GRIP1: variants seen among roughly 807,000 people sequenced by gnomAD.
GRIP1 encodes glutamate receptor-interacting protein 1.
In GRIP1, 45 loss-of-function variants were observed where a neutral mutation model predicts 129.9. That is an observed-to-expected ratio of 0.35 (90% CI 0.27 to 0.44). The LOEUF is 0.44. GRIP1 is among the 20% of genes least tolerant of loss of function. The probability of loss-of-function intolerance (pLI) is 1.00; values close to 1 mark genes in which losing one functional copy is unlikely to be tolerated. For synonymous variants in GRIP1, 530 were observed against 520.8 expected, an observed-to-expected ratio of 1.02 and a Z score of -0.24; for missense variants, 1,196 against 1,396.8, an observed-to-expected ratio of 0.86 and a Z score of 2.29.
chr12:66,838,597 TG>T (rs2039659601), intron 1 of GRIP1, among the ~76,000 whole-genome samples: 3 of 152,134 alleles, frequency 2.0e-5, no homozygotes, highest in Admixed American at 2.0e-4. Flanking sequence ...TGATGAGGAA[TG>T]TTTGGGATCA....
At chr12:66,589,481 T>A (rs949973409) in intron 2 of GRIP1, among the ~76,000 whole-genome samples, 1 of 152,218 alleles carries the variant, frequency 6.6e-6, no homozygotes, top group Non-Finnish European at 1.5e-5. Flanking sequence ...GTCAAAGTCA[T>A]GTCTTCTGAG....
At chr12:66,537,935 T>C (rs2061655836) in intron 4 of GRIP1, among the ~76,000 whole-genome samples, 1 of 152,256 alleles carries the variant, frequency 6.6e-6, no homozygotes, top group African/African-American at 2.4e-5. Context: ...GTTATGATTA[T>C]AGCAATTCCT....
At chr12:66,970,110 C>T (rs2042051355) in intron 1 of GRIP1, among the ~76,000 whole-genome samples, 1 of 152,112 alleles carries the variant, frequency 6.6e-6, no homozygotes, top group South Asian at 2.1e-4. Context: ...CAGGGTCTTA[C>T]TTACTCTGTT....
At chr12:66,404,618 T>C (rs566088433) in intron 16 of GRIP1, among the ~76,000 whole-genome samples, 2 of 152,320 alleles carry the variant, frequency 1.3e-5, no homozygotes, top group South Asian at 4.1e-4. Flanking sequence ...TTATGCCAGC[T>C]GTACTTGTTA....
chr12:67,051,456 G>A (rs931482264), intron 1 of GRIP1, among the ~76,000 whole-genome samples: 1 of 152,110 alleles, frequency 6.6e-6, no homozygotes. Context: ...TGATACTCTG[G>A]CAAAAGATTC....
At chr12:66,800,987 C>G (rs1294071613) in intron 1 of GRIP1, among the ~76,000 whole-genome samples, 1 of 152,020 alleles carries the variant, frequency 6.6e-6, no homozygotes, top group African/African-American at 2.4e-5. Context: ...GGAATTCTCC[C>G]CACTGAGCAT....
At chr12:66,997,164 G>T (rs976744576) in intron 1 of GRIP1, among the ~76,000 whole-genome samples, 1 of 152,096 alleles carries the variant, frequency 6.6e-6, no homozygotes, top group Non-Finnish European at 1.5e-5. Context: ...ATTTCTCTAA[G>T]AATTTAATAC....
rs1442908888 is a variant in GRIP1 at position 66,936,447 on chromosome 12, AG to A, written c.58+132602del. ...TCTCCAAAAAAAAAAAAAAAAAAAA[AG>A]GTGGAGAGAATACATGAAAGTTCTG... On this transcript the variant is annotated intron_variant, in intron 1 of 1. Transcript: ENST00000643019. Among the ~76,000 whole-genome samples, 24 of 140,390 alleles carry A rather than the reference AG, an allele frequency of 1.7e-4. 1 individual carries two copies. Among genetic ancestry groups the A allele is most frequent in the Admixed American group, 7.1e-5 (1 of 14,062 alleles). The allele number at this position is 140,390 out of a possible 152,430, so 92.1% of individuals were successfully genotyped here.
chr12:66,375,742 G>A (rs984768433), intron 22 of GRIP1, among the ~76,000 whole-genome samples: 1 of 152,168 alleles, frequency 6.6e-6, no homozygotes, highest in Non-Finnish European at 1.5e-5. Context: ...GTTTTCATCA[G>A]ATAACTCAAT....
chr12:66,519,822 AT>A (rs1243794163), intron 5 of GRIP1, among the ~76,000 whole-genome samples: 1 of 152,212 alleles, frequency 6.6e-6, no homozygotes, highest in Admixed American at 6.5e-5. Context: ...CCCACCTACA[AT>A]TTTACATTTG....
chr12:66,652,821 G>C (rs1460184043), intron 1 of GRIP1, among the ~76,000 whole-genome samples: 2 of 152,172 alleles, frequency 1.3e-5, no homozygotes, highest in African/African-American at 4.8e-5. Context: ...TTCCACTCCA[G>C]ACACTCTTGG....
chr12:66,820,075 T>C (rs1566038390), intron 1 of GRIP1, among the ~76,000 whole-genome samples: 1 of 152,088 alleles, frequency 6.6e-6, no homozygotes, highest in South Asian at 2.1e-4. Flanking sequence ...TGAAGAAATA[T>C]CTCCTCCTGC....
At chr12:66,889,920 G>GA (rs2040628979) in intron 1 of GRIP1, among the ~76,000 whole-genome samples, 1 of 150,324 alleles carries the variant, frequency 6.7e-6, no homozygotes, top group Non-Finnish European at 1.5e-5. Context: ...CTCAGCTACT[G>GA]TTTTTTTTTG....
At chr12:66,894,926 G>T (rs1438211898) in intron 1 of GRIP1, among the ~76,000 whole-genome samples, 2 of 152,148 alleles carry the variant, frequency 1.3e-5, no homozygotes, top group African/African-American at 4.8e-5. Flanking sequence ...TCAGGGTCTT[G>T]CTGCCATCCT....
At chr12:66,508,345 T>C (rs1408141142) in intron 7 of GRIP1, among the ~76,000 whole-genome samples, 1 of 152,190 alleles carries the variant, frequency 6.6e-6, no homozygotes, top group Non-Finnish European at 1.5e-5. Flanking sequence ...TTAGGTGTTA[T>C]GGAAATACTC....
In GRIP1 at chr12:66,976,537, T is replaced by C. The variant is rs138932058; in HGVS notation, c.58+92513A>G. Among the ~76,000 whole-genome samples the C allele has an allele frequency of 1.1e-4, 16 of 152,318 alleles. No homozygotes were observed. The East Asian group carries it at 3.1e-3, about 29-fold the overall frequency. On this transcript the variant is annotated intron_variant, in intron 1 of 1. Coordinates refer to the GRIP1 transcript ENST00000643019. ...ATGCCTTGTTTCTCCAACTAAAGGG[T>C]AGGTTCATGCATGACAAGAAATGTG...
At chr12:67,012,841 G>A (rs2042730360) in intron 1 of GRIP1, among the ~76,000 whole-genome samples, 1 of 152,100 alleles carries the variant, frequency 6.6e-6, no homozygotes, top group South Asian at 2.1e-4. Context: ...CCCCTCAAAA[G>A]CAATCTGCAT....
rs181182939 is a variant in GRIP1, at chr12:66,996,305, G to A, written c.58+72745C>T. On this transcript the variant is annotated intron_variant, in intron 1 of 1. Transcript: ENST00000643019. Reference sequence around the variant, plus strand: ...TTTAAATGACTGAATTGTGTGTTACGTAGATTATATTTCAATAAAGCTATT... The same window carrying A: ...TTTAAATGACTGAATTGTGTGTTACATAGATTATATTTCAATAAAGCTATT... 5.5e-4 allele frequency among the ~76,000 whole-genome samples: 83 copies of A among 151,892 alleles called. 1 individual carries two copies. Among genetic ancestry groups the A allele is most frequent in the African/African-American group, 1.4e-3 (59 of 41,390 alleles).
chr12:66,514,165 C>A (rs1243417322), intron 7 of GRIP1, among the ~76,000 whole-genome samples: 1 of 152,176 alleles, frequency 6.6e-6, no homozygotes, highest in African/African-American at 2.4e-5. Context: ...TTTTTCCTAT[C>A]CATTGCAAGC....
Sources: allele counts gnomAD v4.1 joint callset (sites outside exome capture counted in the v4.1 genomes callset), GRCh38; gene constraint gnomAD v4.1.1; transcripts MANE v1.5; gene names NCBI Gene and HGNC (gene_info 2026-07-23, HGNC 2026-07-21).